The following PITX1 variants were observed in gnomAD, a reference collection of about 807,000 sequenced individuals.
PITX1 encodes pituitary homeobox 1.
Under a neutral mutation model 24.1 loss-of-function variants are expected in PITX1, and 5 were observed. The observed-to-expected ratio is 0.21, with a 90% CI of 0.11 to 0.44. The LOEUF is 0.44. PITX1 is among the 20% of genes least tolerant of loss of function. PITX1 has a pLI of 0.99. For synonymous variants in PITX1, 213 were observed against 208.9 expected, an observed-to-expected ratio of 1.02 and a Z score of -0.17; for missense variants, 401 against 455.4, an observed-to-expected ratio of 0.88 and a Z score of 1.09.
chr5:135,032,308 A>T (rs576437884), intron 1 of PITX1, among the ~76,000 whole-genome samples: 1 of 152,284 alleles, frequency 6.6e-6, no homozygotes, highest in South Asian at 2.1e-4. Flanking sequence ...CCCTAACTAA[A>T]TACAGAGCTG....
chr5:135,029,422 C>T (rs998920488), intron 2 of PITX1, 101 bp from the exon 3 acceptor site: 5 of 940,962 alleles, frequency 5.3e-6, no homozygotes, highest in South Asian at 3.3e-5. Context: ...CGCTGCCCTC[C>T]GAACGTCGTT....
At position 135,031,329 on chromosome 5, in the gene PITX1, T is replaced by C. The variant is rs1262985450; in HGVS notation, c.349A>G (p.Ser117Gly). The C allele has an allele frequency of 1.2e-6, 2 of 1,613,926 alleles. No homozygotes were observed. Among genetic ancestry groups the C allele is most frequent in the East Asian group, 4.5e-5 (2 of 44,882 alleles). Residue 117 changes from serine (S) to glycine (G), a missense_variant, in exon 2 of 3, where the codon AGC (serine) becomes GGC (glycine). Physicochemically the swap from Ser to Gly is moderately conservative, Grantham distance 56 (BLOSUM62 0). Coordinates refer to ENST00000265340, the MANE Select transcript of PITX1 (RefSeq NM_002653.5). ...TFQRNRYPDMSMREEIAVWTN... is the reference protein window; with the variant it reads ...TFQRNRYPDMGMREEIAVWTN... ...CACACGGCGATCTCCTCCCTCATGC[T>C]CATGTCGGGGTAGCGGTTCCTCTGG...
chr5:135,031,645 C>A, intron 1 of PITX1, 137 bp from the exon 2 acceptor site: 2 of 725,152 alleles, frequency 2.8e-6, no homozygotes, highest in Non-Finnish European at 4.4e-6. Flanking sequence ...GGGAACTGTC[C>A]CCACTGGAAA....
In PITX1 at chr5:135,031,576, C is replaced by A. The variant is rs533691812; in HGVS notation, c.170-68G>T. On this transcript the variant is annotated intron_variant, in intron 1 of 2. Transcript: ENST00000265340. The stretch of plus-strand genomic sequence containing the variant: ...CCCGTTGCACCCCGTCCCGGCTCCA[C>A]CGAACCGCTCGCCACCAGCGCTGGC... 8 of 1,295,678 alleles carry A rather than the reference C, an allele frequency of 6.2e-6. No individual in the cohort carries two copies. The East Asian group carries it at 2.0e-4, about 32-fold the overall frequency. 80.3% of individuals were successfully genotyped at this position (1,295,678 alleles called of 1,614,324 possible). A position where few individuals can be genotyped will look rare whatever the true frequency, so the allele number is the denominator to read the frequency against.
chr5:135,031,142 G>A lies in PITX1; in HGVS notation c.402+134C>T, dbSNP rs556408814. 4.8e-4 allele frequency: 346 copies of A among 722,648 alleles called. No homozygotes were observed. In the African/African-American group the frequency reaches 5.1e-3, roughly 11 times the overall value. 44.8% of individuals were successfully genotyped at this position (722,648 alleles called of 1,614,324 possible). On this transcript the variant is annotated intron_variant, in intron 2 of 2. Coordinates refer to ENST00000265340, the MANE Select transcript of PITX1 (RefSeq NM_002653.5). ...GCCAGGGCCTAAGGTGGGGATCTCCGGTGGAGGGAGGGAGCAGGTCTGAAT... is the reference window on the plus strand; with the variant it reads ...GCCAGGGCCTAAGGTGGGGATCTCCAGTGGAGGGAGGGAGCAGGTCTGAAT...
In PITX1 at chr5:135,033,774, G is replaced by T; in HGVS notation, c.108C>A (p.Pro36=). ...TCTCGAGCGGCTCGCGGGGGTCGGC[G>T]GGCCGGGCCAGGTGGAAGGCGGGCC... ...DMGPAFHLAR[P]ADPREPLENS... The change falls in exon 1 of 3, where the codon CCC becomes CCA. Residue 36 remains proline, a synonymous_variant. Coordinates refer to ENST00000265340, the MANE Select transcript of PITX1 (RefSeq NM_002653.5). The surrounding 1 kb of genome is among the most constrained non-coding windows in gnomAD (Gnocchi z 5.9). The T allele has an allele frequency of 6.3e-7, 1 of 1,588,126 alleles. No individual in the cohort carries two copies. Among genetic ancestry groups the T allele is most frequent in the Non-Finnish European group, 8.5e-7 (1 of 1,174,402 alleles).
chr5:135,029,373 C>T (rs1238387986), intron 2 of PITX1, 52 bp from the exon 3 acceptor site: 12 of 1,460,180 alleles, frequency 8.2e-6, no homozygotes, highest in Middle Eastern at 2.2e-4. Context: ...CGGGAGGGAC[C>T]CCACCCCCTT....
intron 2 of PITX1, 44 bp downstream of exon 2, chr5:135,031,232 G>C: frequency 6.7e-7 from 1 of 1,500,666 alleles, no homozygotes; most frequent in Non-Finnish European, 9.3e-7. Context: ...GGCGGCCCGG[G>C]AGCCCTCTGC....
In PITX1 at chr5:135,033,753, G is replaced by C. The variant is rs769254732; in HGVS notation, c.129C>G (p.Leu43=). 1 of 1,594,486 alleles carries C rather than the reference G, an allele frequency of 6.3e-7. No homozygotes were observed. Among genetic ancestry groups the C allele is most frequent in the Non-Finnish European group, 8.5e-7 (1 of 1,176,568 alleles). Residue 43 remains leucine, a synonymous_variant, in exon 1 of 3, where the codon CTC becomes CTG. Coordinates refer to ENST00000265340, the MANE Select transcript of PITX1 (RefSeq NM_002653.5). This position sits in a 1 kb window ranked among gnomAD's most constrained non-coding sequence, Gnocchi z 5.9. ...CAGACGACTCGCTGGCGGAGTTCTC[G>C]AGCGGCTCGCGGGGGTCGGCGGGCC... ...LARPADPREP[L]ENSASESSDT... is the part of the protein sequence containing the mutation.
rs138617400 is a variant in PITX1, at chr5:135,028,866, C to T, written c.858G>A (p.Arg286=). Residue 286 remains arginine, a synonymous_variant, in exon 3 of 3, where the codon CGG becomes CGA. Coordinates refer to ENST00000265340, the MANE Select transcript of PITX1 (RefSeq NM_002653.5). ...ACGACGAGTGCTGTTTGGACTTGAG[C>T]CGCAGGCTGGCTAGGCTCGAGTTGC... The part of the protein sequence containing the change: ...DTCNSSLASL[R]LKSKQHSSFG... 1 of 1,613,856 alleles carries T rather than the reference C, an allele frequency of 6.2e-7. No individual in the cohort carries two copies. Among genetic ancestry groups the T allele is most frequent in the Non-Finnish European group, 8.5e-7 (1 of 1,179,946 alleles).
rs563945180 is a variant in PITX1, at chr5:135,033,307, C to T, written c.169+406G>A. 2 of 290,512 alleles carry T rather than the reference C, an allele frequency of 6.9e-6. No homozygotes were observed. The highest frequency in any genetic ancestry group is 1.3e-4 in the East Asian group (1 of 7,736). The allele number at this position is 290,512 out of a possible 1,614,324, so 18.0% of individuals were successfully genotyped here. A position where few individuals can be genotyped will look rare whatever the true frequency, so the allele number is the denominator to read the frequency against. ...CGCCTACTGTCACGGTGTTAACCTC[C>T]CTCTCTGTCTCTCTGAGTGCGTTCT... On this transcript the variant is annotated intron_variant, in intron 1 of 2. Transcript: ENST00000265340. The surrounding 1 kb of genome is among the most constrained non-coding windows in gnomAD (Gnocchi z 5.9).
rs761995125 is a variant in PITX1 at position 135,029,169 on chromosome 5, G to A, written c.555C>T (p.Ala185=). Residue 185 remains alanine, a synonymous_variant, in exon 3 of 3, where the codon GCC becomes GCT. Coordinates refer to ENST00000265340, the MANE Select transcript of PITX1 (RefSeq NM_002653.5). ...YAAGYSYNNW[A]AKSLAPAPLS... ...GCGGCGCTGGCGCCAGGCTCTTGGCGGCCCAGTTGTTGTAGGAGTAGCCGG... is the reference window on the plus strand; with the variant it reads ...GCGGCGCTGGCGCCAGGCTCTTGGCAGCCCAGTTGTTGTAGGAGTAGCCGG... The A allele has an allele frequency of 1.9e-5, 30 of 1,614,132 alleles. No homozygotes were observed. The highest frequency in any genetic ancestry group is 2.3e-5 in the Non-Finnish European group (27 of 1,180,056).
chr5:135,033,644 C>G lies in PITX1; in HGVS notation c.169+69G>C, dbSNP rs1752505141. 6.6e-7 allele frequency: 1 copy of G among 1,510,362 alleles called. No homozygotes were observed. The highest frequency in any genetic ancestry group is 9.0e-7 in the Non-Finnish European group (1 of 1,112,318). 93.6% of individuals were successfully genotyped at this position (1,510,362 alleles called of 1,614,324 possible). On this transcript the variant is annotated intron_variant, in intron 1 of 2. Transcript: ENST00000265340. The surrounding 1 kb of genome is among the most constrained non-coding windows in gnomAD (Gnocchi z 5.9). ...GGTTGCGCGGCGCGGGCGTCAGGCC[C>G]TGCTCCCAGCTCCCCGTGCTCCGCG...
rs1028716711 is a variant in PITX1 at position 135,031,527 on chromosome 5, G to C, written c.170-19C>G. The stretch of plus-strand genomic sequence containing the variant: ...TCCTTCTCTGCAGTAGGCAGGACGG[G>C]GAGCGGGTCACCTGGGCTTACGCCC... On this transcript the variant is annotated intron_variant, in intron 1 of 2. Transcript: ENST00000265340. 1 of 1,592,616 alleles carries C rather than the reference G, an allele frequency of 6.3e-7. No homozygotes were observed. Among genetic ancestry groups the C allele is most frequent in the Non-Finnish European group, 8.6e-7 (1 of 1,168,866 alleles).
At chr5:135,029,392 C>G in intron 2 of PITX1, 71 bp from the exon 3 acceptor site, 7 of 1,334,874 alleles carry the variant, frequency 5.2e-6, no homozygotes, top group Non-Finnish European at 6.2e-6. Context: ...TTCCCCACCG[C>G]CTGGAGCCTT....
Position 135,034,083 on chromosome 5 carries a change from G to T in PITX1, c.-202C>A, listed in dbSNP as rs1752520527. The T allele has an allele frequency of 5.5e-6, 1 of 182,068 alleles. No individual in the cohort carries two copies. 11.3% of individuals were successfully genotyped at this position (182,068 alleles called of 1,614,324 possible). A position where few individuals can be genotyped will look rare whatever the true frequency, so the allele number is the denominator to read the frequency against. On this transcript the variant is annotated 5_prime_UTR_variant, in exon 1 of 3. Transcript: ENST00000265340. ...GGCAGAGGCGGCGGCAGCTTCTCGC[G>T]ACTGGGCGCCTGGCTCAGCGCTCCG...
chr5:135,032,910 G>C (rs1333942738), intron 1 of PITX1: 1 of 428,556 alleles, frequency 2.3e-6, no homozygotes, highest in Non-Finnish European at 4.7e-6. Context: ...CGCCCACACC[G>C]GGGAGCTCGG....
Position 135,033,859 on chromosome 5 carries a change from A to C in PITX1, c.23T>G (p.Met8Arg). MDAFKGG[M>R]SLERLPEGLR... The stretch of plus-strand genomic sequence containing the variant: ...CCCCTCCGGCAGCCGCTCCAGGCTC[A>C]TGCCCCCCTTGAAGGCGTCCATGGA... The change falls in exon 1 of 3, where the codon ATG becomes AGG. Residue 8 changes from methionine to arginine, a missense_variant. This residue lies in a region of PITX1 where 136 missense variants were observed against 133.3 expected (regional missense o/e 1.02). Coordinates refer to ENST00000265340, the MANE Select transcript of PITX1 (RefSeq NM_002653.5). The surrounding 1 kb of genome is among the most constrained non-coding windows in gnomAD (Gnocchi z 5.9). The C allele has an allele frequency of 6.7e-7, 1 of 1,484,824 alleles. No individual in the cohort carries two copies. The highest frequency in any genetic ancestry group is 1.5e-5 in the African/African-American group (1 of 67,916). The allele number at this position is 1,484,824 out of a possible 1,614,324, so 92.0% of individuals were successfully genotyped here.
chr5:135,028,645 G>C lies in PITX1; in HGVS notation c.*134C>G. 4.3e-6 allele frequency: 2 copies of C among 460,106 alleles called. No homozygotes were observed. The highest frequency in any genetic ancestry group is 6.6e-6 in the Non-Finnish European group (2 of 301,222). 28.5% of individuals were successfully genotyped at this position (460,106 alleles called of 1,614,324 possible). A position where few individuals can be genotyped will look rare whatever the true frequency, so the allele number is the denominator to read the frequency against. On this transcript the variant is annotated 3_prime_UTR_variant, in exon 3 of 3. Coordinates refer to ENST00000265340, the MANE Select transcript of PITX1 (RefSeq NM_002653.5). Reference sequence around the variant, plus strand: ...CAACCCGGAGTGGGAAGTGGGAGGAGGGGGCTGCGCAGGTGTGAGGTCCGC... The same window carrying C: ...CAACCCGGAGTGGGAAGTGGGAGGACGGGGCTGCGCAGGTGTGAGGTCCGC...
Sources: allele counts gnomAD v4.1 joint callset (sites outside exome capture counted in the v4.1 genomes callset), GRCh38; gene constraint gnomAD v4.1.1; regional missense constraint gnomAD v4.1.1; non-coding constraint Gnocchi (gnomAD v3.1); transcripts MANE v1.5; gene names NCBI Gene and HGNC (gene_info 2026-07-23, HGNC 2026-07-21).